PHF20: variants seen among roughly 807,000 people sequenced by gnomAD.
The protein encoded by PHF20 is glioma-expressed antigen 2.
PHF20 carries 23 observed loss-of-function variants against 113.5 expected under a neutral mutation model. The observed-to-expected ratio is 0.20, with a 90% CI of 0.15 to 0.29. The LOEUF (loss-of-function observed/expected upper bound fraction) is 0.29. Ranked by LOEUF, PHF20 falls within the 10% of genes least tolerant of loss-of-function variation. The pLI, the probability that PHF20 is intolerant of heterozygous loss-of-function variation, is 1.00. For missense variants in PHF20, 943 were observed against 1,219.6 expected, an observed-to-expected ratio of 0.77 and a Z score of 3.38; for synonymous variants, 434 against 457.3, an observed-to-expected ratio of 0.95 and a Z score of 0.65.
At chr20:35,905,497 C>T (rs1405914542) in intron 10 of PHF20, among the ~76,000 whole-genome samples, 3 of 152,128 alleles carry the variant, frequency 2.0e-5, no homozygotes, top group African/African-American at 7.2e-5. Context: ...CAGAGCTCCC[C>T]CTATCCCCCC....
intron 9 of PHF20, chr20:35,878,460 G>A (rs6060656): frequency 0.21 from 117,446 of 546,874 alleles, 14,662 homozygotes; most frequent in African/African-American, 0.41. Flanking sequence ...TCACTATGTC[G>A]ACAAACACAG....
At chr20:35,791,553 AT>A (rs2041554903) in intron 1 of PHF20, among the ~76,000 whole-genome samples, 1 of 147,410 alleles carries the variant, frequency 6.8e-6, no homozygotes, top group African/African-American at 2.5e-5. Flanking sequence ...ATATATATAT[AT>A]ATATATATCT....
At chr20:35,915,266 T>C (rs1428172387) in intron 12 of PHF20, among the ~76,000 whole-genome samples, 1 of 150,440 alleles carries the variant, frequency 6.6e-6, no homozygotes, top group Admixed American at 6.6e-5. Context: ...AGGTGAATGA[T>C]GGTATTTGTT....
chr20:35,850,296 GTTTTTTT>G (rs554100863), intron 4 of PHF20, among the ~76,000 whole-genome samples: 4 of 62,320 alleles, frequency 6.4e-5, no homozygotes, highest in Non-Finnish European at 9.9e-5. Flanking sequence ...TTCCCCCTCC[GTTTTTTT>G]TTTTTTTTTT....
rs939126714 is a variant in PHF20 at position 35,807,837 on chromosome 20, G to A, written c.83+6232G>A. ...ATTGGTTATTTGATATTAAAGAATC[G>A]TTAACATTTTAGATGTGGAAGTGAT... On this transcript the variant is annotated intron_variant, in intron 2 of 17. Coordinates refer to ENST00000374012, the MANE Select transcript of PHF20 (RefSeq NM_016436.5). Among the ~76,000 whole-genome samples the A allele has an allele frequency of 2.6e-5, 4 of 152,056 alleles. No individual in the cohort carries two copies. In the East Asian group the frequency reaches 5.8e-4, roughly 22 times the overall value.
At chr20:35,778,520 C>T (rs1388864367) in intron 1 of PHF20, among the ~76,000 whole-genome samples, 1 of 151,980 alleles carries the variant, frequency 6.6e-6, no homozygotes, top group Non-Finnish European at 1.5e-5. Flanking sequence ...GAGGCCAAGT[C>T]GGATGGATCA....
In PHF20 at chr20:35,863,275, A is replaced by G; in HGVS notation, c.683A>G (p.Asp228Gly). 1.9e-6 allele frequency: 3 copies of G among 1,614,196 alleles called. No individual in the cohort carries two copies. The highest frequency in any genetic ancestry group is 2.5e-6 in the Non-Finnish European group (3 of 1,180,024). ...GACAAGGAAAACATTTCCGAAAATG[A>G]CAGAGAGTATTCTGGAGATGCCCAA... Reference protein sequence around the residue: ...KEDKENISENDREYSGDAQVD... With the variant: ...KEDKENISENGREYSGDAQVD... Residue 228 changes from aspartate to glycine, a missense_variant, in exon 6 of 18, where the codon GAC becomes GGC. This residue lies in a region of PHF20 where 592 missense variants were observed against 787.2 expected (regional missense o/e 0.75). Transcript: ENST00000374012.
intron 2 of PHF20, among the ~76,000 whole-genome samples, chr20:35,836,699 C>T (rs1412697435): frequency 6.6e-6 from 1 of 151,860 alleles, no homozygotes; most frequent in African/African-American, 2.4e-5. Context: ...AAAAAATTAG[C>T]CGGGCAAGGT....
intron 14 of PHF20, 25 bp downstream of exon 14, chr20:35,927,904 A>G: frequency 2.0e-6 from 3 of 1,495,726 alleles, no homozygotes; most frequent in South Asian, 1.1e-5. Flanking sequence ...AGTCAGGGAT[A>G]TAACAGTATG....
chr20:35,946,411 G>A (rs2056084165), intron 17 of PHF20, among the ~76,000 whole-genome samples: 1 of 152,072 alleles, frequency 6.6e-6, no homozygotes, highest in Non-Finnish European at 1.5e-5. Flanking sequence ...TCCAGCCTGG[G>A]CGACACAGTG....
intron 9 of PHF20, among the ~76,000 whole-genome samples, chr20:35,880,002 AAGAG>A: frequency 6.6e-6 from 1 of 152,202 alleles, no homozygotes; most frequent in Non-Finnish European, 1.5e-5. Flanking sequence ...GAAGGAAAGA[AAGAG>A]AGAAAGAGAA....
At chr20:35,817,467 G>A (rs990015735) in intron 2 of PHF20, among the ~76,000 whole-genome samples, 13 of 152,040 alleles carry the variant, frequency 8.6e-5, no homozygotes, top group Non-Finnish European at 1.9e-4. Context: ...GATTACAGGC[G>A]TGAGCCACCA....
At chr20:35,789,604 T>C (rs1405708691) in intron 1 of PHF20, among the ~76,000 whole-genome samples, 1 of 152,098 alleles carries the variant, frequency 6.6e-6, no homozygotes, top group Non-Finnish European at 1.5e-5. Flanking sequence ...TGGAGTGCAG[T>C]GGCGGGATCT....
intron 1 of PHF20, among the ~76,000 whole-genome samples, chr20:35,773,528 G>C (rs1284972010): frequency 6.6e-6 from 1 of 152,080 alleles, no homozygotes; most frequent in East Asian, 1.9e-4. Context: ...CTCCTCCCAG[G>C]GAAGGATTCC....
At chr20:35,933,971 A>G (rs1280366511) in intron 15 of PHF20, among the ~76,000 whole-genome samples, 1 of 152,146 alleles carries the variant, frequency 6.6e-6, no homozygotes, top group Non-Finnish European at 1.5e-5. Context: ...TACTTTTCGA[A>G]CTGTCTCTCT....
At chr20:35,940,843 T>G (rs2055963180) in intron 16 of PHF20, 21 bp from the exon 17 acceptor site, 2 of 1,600,594 alleles carry the variant, frequency 1.2e-6, no homozygotes, top group Non-Finnish European at 1.7e-6. Context: ...TTCAGTAATT[T>G]CCATGCCATT....
At chr20:35,811,100 G>A (rs2041969019) in intron 2 of PHF20, among the ~76,000 whole-genome samples, 2 of 152,182 alleles carry the variant, frequency 1.3e-5, no homozygotes, top group South Asian at 4.1e-4. Context: ...AGGCTGGAGT[G>A]CAGTGGCGTG....
chr20:35,906,789 A>G (rs117653472), intron 10 of PHF20, among the ~76,000 whole-genome samples: 2,306 of 152,264 alleles, frequency 0.015, 44 homozygotes, highest in South Asian at 0.094. Flanking sequence ...AACTCTTCCT[A>G]TGGAAGAAGT....
intron 2 of PHF20, among the ~76,000 whole-genome samples, chr20:35,818,362 A>G (rs2042112314): frequency 6.6e-6 from 1 of 152,074 alleles, no homozygotes; most frequent in South Asian, 2.1e-4. Flanking sequence ...GCAGTGAGCC[A>G]TGATCCTCCT....
Sources: allele counts gnomAD v4.1 joint callset (sites outside exome capture counted in the v4.1 genomes callset), GRCh38; gene constraint gnomAD v4.1.1; regional missense constraint gnomAD v4.1.1; transcripts MANE v1.5; gene names NCBI Gene and HGNC (gene_info 2026-07-23, HGNC 2026-07-21).